Variants in GPR35 observed in about 807,000 individuals in gnomAD.
GPR35 encodes the protein G protein-coupled receptor 35.
For missense variants in GPR35, 372 were observed against 422.5 expected, an observed-to-expected ratio of 0.88 and a Z score of 1.05; for synonymous variants, 207 against 198.4, an observed-to-expected ratio of 1.04 and a Z score of -0.36.
intron 2 of GPR35, among the ~76,000 whole-genome samples, chr2:240,612,953 C>T (rs2043199388): frequency 1.3e-5 from 2 of 152,094 alleles, no homozygotes; most frequent in South Asian, 2.1e-4. Context: ...GCGGACATAA[C>T]CCAGCCTCAG....
chr2:240,630,367 G>A lies in GPR35; in HGVS notation c.415G>A (p.Val139Ile), dbSNP rs1195923373. 15 of 1,608,618 alleles carry A rather than the reference G, an allele frequency of 9.3e-6. No individual in the cohort carries two copies. Among genetic ancestry groups the A allele is most frequent in the Non-Finnish European group, 1.2e-5 (14 of 1,179,736 alleles). ...SPRQAAAVCA[V>I]LWVLVIGSLV... ...CAGGCAGGCTGCGGCCGTGTGCGCG[G>A]TCCTCTGGGTGCTGGTCATCGGCTC... The change falls in exon 2 of 2, where the codon GTC becomes ATC. Residue 139 changes from valine to isoleucine, a missense_variant. Val to Ile is a conservative substitution (Grantham distance 29, BLOSUM62 3). Transcript: ENST00000407714.
At chr2:240,616,280 C>T (rs2043235871) in intron 2 of GPR35, 5 of 643,634 alleles carry the variant, frequency 7.8e-6, no homozygotes, top group Non-Finnish European at 1.1e-5. Context: ...CCAACCTCGA[C>T]AGCAGTGGCT....
chr2:240,607,945 A>G (rs2043150869), intron 2 of GPR35, among the ~76,000 whole-genome samples: 10 of 151,712 alleles, frequency 6.6e-5, no homozygotes, highest in Admixed American at 6.6e-4. Flanking sequence ...AGGCTGGAGT[A>G]CAGTGATGCA....
chr2:240,625,150 A>T, upstream of GPR35: 1 of 553,054 alleles, frequency 1.8e-6, no homozygotes, highest in Non-Finnish European at 2.3e-6. Flanking sequence ...AAGGTTTCCG[A>T]GATGACAGGG....
In GPR35 at chr2:240,629,992, A is replaced by G. The variant is rs1575470555; in HGVS notation, c.40A>G (p.Thr14Ala). The change falls in exon 2 of 2, where the codon ACC becomes GCC. Residue 14 changes from threonine (T) to alanine (A), a missense_variant. Transcript: ENST00000407714. Reference sequence around the variant, plus strand: ...CAACACCTGTGGCTCCAGCGACCTCACCTGGCCCCCAGCGATCAAGCTGGG... The same window carrying G: ...CAACACCTGTGGCTCCAGCGACCTCGCCTGGCCCCCAGCGATCAAGCTGGG... ...TYNTCGSSDL[T>A]WPPAIKLGFY... The G allele has an allele frequency of 6.2e-7, 1 of 1,610,942 alleles. No homozygotes were observed. Among genetic ancestry groups the G allele is most frequent in the Admixed American group, 1.7e-5 (1 of 59,964 alleles).
chr2:240,629,963 C>T lies in GPR35; in HGVS notation c.11C>T (p.Thr4Ile). Reference protein sequence around the residue: MNGTYNTCGSSDLT... With the variant: MNGIYNTCGSSDLT... Reference sequence around the variant, plus strand: ...TGCTGCCCCAGGACCATGAATGGCACCTACAACACCTGTGGCTCCAGCGAC... The same window carrying T: ...TGCTGCCCCAGGACCATGAATGGCATCTACAACACCTGTGGCTCCAGCGAC... The change falls in exon 2 of 2, where the codon ACC becomes ATC. Residue 4 changes from threonine (T) to isoleucine (I), a missense_variant. Thr to Ile is a moderately conservative substitution (Grantham distance 89, BLOSUM62 -1). Transcript: ENST00000407714. 1 of 1,601,824 alleles carries T rather than the reference C, an allele frequency of 6.2e-7. No individual in the cohort carries two copies. Among genetic ancestry groups the T allele is most frequent in the Non-Finnish European group, 8.5e-7 (1 of 1,171,020 alleles).
chr2:240,622,066 G>A (rs1485174113), upstream of GPR35, among the ~76,000 whole-genome samples: 3 of 151,390 alleles, frequency 2.0e-5, no homozygotes, highest in Non-Finnish European at 4.4e-5. Context: ...TTTTTGTAAA[G>A]ATGGGGTCTT....
rs1452409917 is a variant in GPR35 at position 240,630,510 on chromosome 2, G to A, written c.558G>A (p.Val186=). 6.2e-7 allele frequency: 1 copy of A among 1,612,842 alleles called. No individual in the cohort carries two copies. The highest frequency in any genetic ancestry group is 2.2e-5 in the East Asian group (1 of 44,880). ...PLLGFYLPLA[V]VVFCSLKVVT... is the part of the protein sequence containing the mutation. ...TGGGATTCTACCTGCCCCTGGCCGT[G>A]GTGGTCTTCTGCTCCCTGAAGGTGG... The change falls in exon 2 of 2, where the codon GTG becomes GTA. Residue 186 remains valine, a synonymous_variant. Transcript: ENST00000407714.
At chr2:240,615,460 G>C (rs537212546) in intron 2 of GPR35, among the ~76,000 whole-genome samples, 51 of 152,358 alleles carry the variant, frequency 3.3e-4, no homozygotes, top group African/African-American at 1.2e-3. Context: ...GCAGTGGGGT[G>C]TTTGGCCACC....
At chr2:240,609,542 T>C (rs2043164132) in intron 2 of GPR35, among the ~76,000 whole-genome samples, 1 of 152,242 alleles carries the variant, frequency 6.6e-6, no homozygotes, top group Non-Finnish European at 1.5e-5. Flanking sequence ...TTGTTGCTAT[T>C]GATTTCTAAT....
chr2:240,621,397 G>A (rs1322575869), upstream of GPR35, among the ~76,000 whole-genome samples: 3 of 152,118 alleles, frequency 2.0e-5, no homozygotes, highest in East Asian at 1.9e-4. Context: ...TGGGACTACA[G>A]GCACGCGCCA....
At chr2:240,620,823 G>C (rs146061506), upstream of GPR35, among the ~76,000 whole-genome samples, 678 of 152,274 alleles carry the variant, frequency 4.5e-3, 6 homozygotes, top group African/African-American at 0.016. Context: ...GCCCTCCCCT[G>C]CCCCTCTGTG....
chr2:240,617,646 T>G, intron 4 of GPR35: 1 of 178,618 alleles, frequency 5.6e-6, no homozygotes, highest in South Asian at 1.3e-4. Flanking sequence ...CTTCCTTTCC[T>G]CATTTATAAA....
At position 240,616,760 on chromosome 2, in the gene GPR35, A is replaced by AG. The variant is rs1335663284; in HGVS notation, c.-453+249_-453+250insG. Among the ~76,000 whole-genome samples the AG allele has an allele frequency of 1.2e-4, 18 of 151,904 alleles. 1 individual carries two copies. Among genetic ancestry groups the AG allele is most frequent in the Admixed American group, 8.5e-4 (13 of 15,254 alleles). On this transcript the variant is annotated intron_variant, in intron 3 of 5. Coordinates refer to the GPR35 transcript ENST00000319838. ...ATACAGTAAAAAAAAAAAAAAAAAA[A>AG]AAAGTGATGTGTTGTCTCTTCCGTG...
chr2:240,621,580 A>T (rs1186377429), upstream of GPR35, among the ~76,000 whole-genome samples: 1 of 152,200 alleles, frequency 6.6e-6, no homozygotes, highest in Non-Finnish European at 1.5e-5. Flanking sequence ...AACCAAAACT[A>T]TGCAAAGGAC....
At chr2:240,623,102 C>T (rs560141683), upstream of GPR35, among the ~76,000 whole-genome samples, 2 of 152,328 alleles carry the variant, frequency 1.3e-5, no homozygotes, top group African/African-American at 4.8e-5. Context: ...CTGATATGTC[C>T]CCGGCACTCG....
intron 1 of GPR35, among the ~76,000 whole-genome samples, chr2:240,626,377 G>A (rs375555655): frequency 7.0e-6 from 1 of 142,300 alleles, no homozygotes; most frequent in African/African-American, 2.7e-5. Context: ...AGTGGGGTGA[G>A]GCTCTGATGG....
Position 240,630,858 on chromosome 2 carries a change from C to A in GPR35, c.906C>A (p.Asp302Glu). Residue 302 changes from aspartate to glutamate, a missense_variant, in exon 2 of 2, where the codon GAC becomes GAA. Physicochemically the swap from Asp to Glu is conservative, Grantham distance 45. Transcript: ENST00000407714. ...GTGCTAAGGCCCACAAAAGCCAGGA[C>A]TCTCTGTGCGTGACCCTCGCCTAAG... ...APSAKAHKSQ[D>E]SLCVTLA 2 of 1,612,878 alleles carry A rather than the reference C, an allele frequency of 1.2e-6. No individual in the cohort carries two copies. Among genetic ancestry groups the A allele is most frequent in the Non-Finnish European group, 1.7e-6 (2 of 1,179,902 alleles).
Position 240,630,226 on chromosome 2 carries a change from T to G in GPR35, c.274T>G (p.Ser92Ala). Residue 92 changes from serine (S) to alanine (A), a missense_variant, in exon 2 of 2, where the codon TCC (serine) becomes GCC (alanine). Physicochemically the swap from Ser to Ala is moderately conservative, Grantham distance 99. Coordinates refer to ENST00000407714, the MANE Select transcript of GPR35 (RefSeq NM_005301.5). Reference protein sequence around the residue: ...DTSDTPLCQLSQGIYLTNRYM... With the variant: ...DTSDTPLCQLAQGIYLTNRYM... The stretch of plus-strand genomic sequence containing the variant: ...CTCAGACACGCCGCTGTGCCAGCTC[T>G]CCCAGGGCATCTACCTGACCAACAG... The G allele has an allele frequency of 6.4e-7, 1 of 1,567,260 alleles. No individual in the cohort carries two copies. Among genetic ancestry groups the G allele is most frequent in the Non-Finnish European group, 8.6e-7 (1 of 1,158,884 alleles).
Sources: gnomAD v4.1 joint callset for allele counts (sites outside exome capture counted in the v4.1 genomes callset) on GRCh38, gnomAD v4.1.1 for gene constraint, MANE v1.5 for transcripts, NCBI Gene and HGNC (gene_info 2026-07-23, HGNC 2026-07-21) for gene names.